MRTFB: variants seen among roughly 807,000 people sequenced by gnomAD.
MRTFB encodes the protein myocardin related transcription factor B, also known as myocardin-related transcription factor B.
Under a neutral mutation model 104.2 loss-of-function variants are expected in MRTFB, and 29 were observed. The ratio of observed to expected loss-of-function variants is 0.28; its 90% CI spans 0.21 to 0.38. The LOEUF (loss-of-function observed/expected upper bound fraction) is 0.38, where lower values mean the gene tolerates loss of function less well. Among genes scored for constraint, MRTFB ranks in the 10% least tolerant of loss-of-function variants. The pLI, the probability that MRTFB is intolerant of heterozygous loss-of-function variation, is 1.00. For synonymous variants in MRTFB, 535 were observed against 519.5 expected, an observed-to-expected ratio of 1.03 and a Z score of -0.41; for missense variants, 1,270 against 1,341.6, an observed-to-expected ratio of 0.95 and a Z score of 0.83.
the MRTFB span, among the ~76,000 whole-genome samples, chr16:14,038,964 A>C: frequency 6.6e-6 from 1 of 152,212 alleles, no homozygotes; most frequent in Admixed American, 6.5e-5. Flanking sequence ...TAAAACCATC[A>C]GATCTCGTGA....
intron 3 of MRTFB, among the ~76,000 whole-genome samples, chr16:14,174,691 C>G (rs1307789877): frequency 6.6e-6 from 1 of 151,856 alleles, no homozygotes; most frequent in African/African-American, 2.4e-5. Flanking sequence ...CCCCACCCCC[C>G]AGAAAAAAAT....
intron 2 of MRTFB, among the ~76,000 whole-genome samples, chr16:14,105,452 C>T (rs552004725): frequency 1.3e-5 from 2 of 151,878 alleles, no homozygotes; most frequent in African/African-American, 2.4e-5. Flanking sequence ...GGCATCAGTG[C>T]GGTGGCATAA....
intron 16 of MRTFB, among the ~76,000 whole-genome samples, chr16:14,259,164 G>A (rs1204300539): frequency 1.3e-5 from 2 of 152,150 alleles, no homozygotes; most frequent in East Asian, 1.9e-4. Flanking sequence ...GCCAACCCCC[G>A]TGGCTTATGC....
chr16:14,094,195 T>C (rs2035238278), intron 2 of MRTFB, among the ~76,000 whole-genome samples: 1 of 152,200 alleles, frequency 6.6e-6, no homozygotes, highest in African/African-American at 2.4e-5. Context: ...ATGACAAGAT[T>C]GCTTTCAGGT....
upstream of MRTFB, among the ~76,000 whole-genome samples, chr16:14,068,996 A>G (rs1213804100): frequency 8.7e-6 from 1 of 115,598 alleles, no homozygotes; most frequent in Non-Finnish European, 1.6e-5. Flanking sequence ...TTTTTGAGAC[A>G]GTCTCACTTG....
chr16:14,049,110 G>A, the MRTFB span, among the ~76,000 whole-genome samples: 8 of 152,166 alleles, frequency 5.3e-5, no homozygotes, highest in African/African-American at 1.7e-4. Context: ...CGTCTAGTGG[G>A]TAGAGGCCAA....
chr16:13,998,871 CAAAAAAAAAAAAAAAAAAAAAAAAA>C, the MRTFB span, among the ~76,000 whole-genome samples: 5 of 29,654 alleles, frequency 1.7e-4, no homozygotes, highest in East Asian at 1.4e-3. Context: ...GACTCTGTTT[CAAAAAAAAAAAAAAAAAAAAAAAAA>C]AAAAAAAAAA....
intron 1 of MRTFB, among the ~76,000 whole-genome samples, chr16:14,073,145 C>G (rs1303050744): frequency 5.3e-5 from 8 of 152,134 alleles, no homozygotes; most frequent in Non-Finnish European, 1.2e-4. Context: ...TGGAGTTTCC[C>G]TGCAATTTCT....
At chr16:14,061,431 A>G in the MRTFB span, among the ~76,000 whole-genome samples, 1 of 152,202 alleles carries the variant, frequency 6.6e-6, no homozygotes, top group East Asian at 1.9e-4. Context: ...CAGCACAGAT[A>G]ACTACCAGGT....
intron 2 of MRTFB, among the ~76,000 whole-genome samples, chr16:14,106,301 G>A (rs1158309328): frequency 6.6e-6 from 1 of 152,192 alleles, no homozygotes; most frequent in East Asian, 1.9e-4. Context: ...TTAAGGATGT[G>A]TAGCAATTTG....
In MRTFB at chr16:14,246,875, T is replaced by G. The variant is rs772528819; in HGVS notation, c.1615T>G (p.Leu539Val). 1 of 1,613,374 alleles carries G rather than the reference T, an allele frequency of 6.2e-7. No homozygotes were observed. The highest frequency in any genetic ancestry group is 8.5e-7 in the Non-Finnish European group (1 of 1,180,006). ...IMTMMSPSQF[L>V]SSSPLRMTNN... is the part of the protein sequence containing the mutation. ...GACCATGATGTCGCCTTCACAGTTCTTGAGTTCATCTCCTTTGAGAATGAC... is the reference window on the plus strand; with the variant it reads ...GACCATGATGTCGCCTTCACAGTTCGTGAGTTCATCTCCTTTGAGAATGAC... Residue 539 changes from leucine to valine, a missense_variant, in exon 12 of 17, where the codon TTG (leucine) becomes GTG (valine). Coordinates refer to ENST00000571589, the MANE Select transcript of MRTFB (RefSeq NM_001308142.2).
At chr16:14,117,271 AG>A (rs894580444) in intron 2 of MRTFB, among the ~76,000 whole-genome samples, 2 of 152,240 alleles carry the variant, frequency 1.3e-5, no homozygotes, top group Non-Finnish European at 2.9e-5. Flanking sequence ...AGGAATCACA[AG>A]CAGTCCTTGC....
chr16:14,134,800 C>T (rs1383135657), intron 2 of MRTFB, among the ~76,000 whole-genome samples: 1 of 152,114 alleles, frequency 6.6e-6, no homozygotes, highest in Non-Finnish European at 1.5e-5. Context: ...GTTATCAGGG[C>T]AGGAATGTGA....
chr16:14,191,377 G>C (rs190758726), intron 3 of MRTFB, among the ~76,000 whole-genome samples: 1 of 152,284 alleles, frequency 6.6e-6, no homozygotes, highest in East Asian at 1.9e-4. Flanking sequence ...CCCAATTCCT[G>C]TGCCATTTTT....
At chr16:14,007,061 G>T in the MRTFB span, among the ~76,000 whole-genome samples, 1 of 152,124 alleles carries the variant, frequency 6.6e-6, no homozygotes, top group Non-Finnish European at 1.5e-5. Flanking sequence ...TTATTGAGAT[G>T]TAATTCGTAC....
At chr16:14,199,083 C>T (rs1380859660) in intron 3 of MRTFB, among the ~76,000 whole-genome samples, 1 of 152,222 alleles carries the variant, frequency 6.6e-6, no homozygotes, top group Non-Finnish European at 1.5e-5. Context: ...TCTTGCCTCT[C>T]GTTCACACCT....
At chr16:14,124,074 T>G (rs778084373) in intron 2 of MRTFB, among the ~76,000 whole-genome samples, 8 of 152,176 alleles carry the variant, frequency 5.3e-5, no homozygotes, top group Non-Finnish European at 8.8e-5. Flanking sequence ...CTGTCTGTTA[T>G]TGGTGTATAA....
chr16:14,149,149 G>C (rs1219632537), intron 3 of MRTFB: 2 of 152,200 alleles, frequency 1.3e-5, no homozygotes, highest in Non-Finnish European at 1.5e-5. Flanking sequence ...TATGCGTTAA[G>C]ATTTTTATAA....
intron 1 of MRTFB, among the ~76,000 whole-genome samples, chr16:14,074,352 A>C (rs1277809956): frequency 6.6e-6 from 1 of 152,140 alleles, no homozygotes; most frequent in Non-Finnish European, 1.5e-5. Context: ...AAAAATATTC[A>C]CCTGTATGTA....
Sources: gnomAD v4.1 joint callset for allele counts (sites outside exome capture counted in the v4.1 genomes callset) on GRCh38, gnomAD v4.1.1 for gene constraint, MANE v1.5 for transcripts, NCBI Gene and HGNC (gene_info 2026-07-23, HGNC 2026-07-21) for gene names.